The following HHATL variants were observed in gnomAD, a reference collection of about 807,000 sequenced individuals.
The protein encoded by HHATL is hedgehog acyltransferase like, also known as protein-cysteine N-palmitoyltransferase HHAT-like protein.
A neutral mutation model predicts 59.7 loss-of-function variants in HHATL; 49 were observed. That is an observed-to-expected ratio of 0.82 (90% CI 0.65 to 1.04). HHATL has a LOEUF of 1.04. HHATL is among the 50% of genes least tolerant of loss of function. The probability of loss-of-function intolerance (pLI) is 0.00; values close to 1 mark genes in which losing one functional copy is unlikely to be tolerated. For missense variants in HHATL, 605 were observed against 650.8 expected (o/e 0.93, Z 0.77); for synonymous variants, 238 against 257.3 (o/e 0.93, Z 0.72).
At chr3:42,700,596 C>T (rs1295496486) in intron 2 of HHATL, 125 bp downstream of exon 2, 2 of 628,438 alleles carry the variant, frequency 3.2e-6, no homozygotes, top group Non-Finnish European at 5.7e-6. Context: ...AAGGGAGATC[C>T]AGCCGTGTTC....
intron 9 of HHATL, among the ~76,000 whole-genome samples, chr3:42,694,471 G>A (rs73085381): frequency 0.039 from 5,926 of 152,296 alleles, 137 homozygotes; most frequent in Middle Eastern, 0.085. Context: ...ACAGCAGCCA[G>A]AGGCATCTTT....
In HHATL at chr3:42,699,296, A is replaced by T. The variant is rs183775349; in HGVS notation, c.175-151T>A. ...TATCATTTTTAAATTTAATAATAAT[A>T]ATTATTTTTTACCACTAGCCAAACC... On this transcript the variant is annotated intron_variant, in intron 3 of 11. Coordinates refer to ENST00000441594, the MANE Select transcript of HHATL (RefSeq NM_020707.4). 94 of 429,866 alleles carry T rather than the reference A, an allele frequency of 2.2e-4. 1 individual carries two copies. Among genetic ancestry groups the T allele is most frequent in the African/African-American group, 4.1e-4 (20 of 48,858 alleles). The allele number at this position is 429,866 out of a possible 1,614,324, so 26.6% of individuals were successfully genotyped here. A position where few individuals can be genotyped will look rare whatever the true frequency, so the allele number is the denominator to read the frequency against.
Position 42,699,086 on chromosome 3 carries a change from A to C in HHATL, c.234T>G (p.Phe78Leu), listed in dbSNP as rs768134252. ...CAAACAGCACATGTCCGGAGAGGGCAAAGATGATGACGTTGCGAAAGGAGG... is the reference window on the plus strand; with the variant it reads ...CAAACAGCACATGTCCGGAGAGGGCCAAGATGATGACGTTGCGAAAGGAGG... ...WFTSFRNVIIFALSGHVLFAK... is the reference protein window; with the variant it reads ...WFTSFRNVIILALSGHVLFAK... Residue 78 changes from phenylalanine (F) to leucine (L), a missense_variant, in exon 4 of 12, where the codon TTT becomes TTG. Transcript: ENST00000441594. 1.2e-6 allele frequency: 2 copies of C among 1,614,136 alleles called. No individual in the cohort carries two copies. Among genetic ancestry groups the C allele is most frequent in the Admixed American group, 3.3e-5 (2 of 60,010 alleles).
rs183346791 is a variant in HHATL, at chr3:42,701,256, G to A, written c.-13-417C>T. On this transcript the variant is annotated intron_variant, in intron 1 of 11. Coordinates refer to ENST00000441594, the MANE Select transcript of HHATL (RefSeq NM_020707.4). This position sits in a 1 kb window ranked among gnomAD's most constrained non-coding sequence, Gnocchi z 5.1. ...TTTCTGCCTGCAGGGTCCCCACCTC[G>A]ATCAGTGAGTCTCCCTTAGCTCCTC... 756 of 172,916 alleles carry A rather than the reference G, an allele frequency of 4.4e-3. 12 individuals are homozygous for A. Among genetic ancestry groups the A allele is most frequent in the South Asian group, 0.025 (171 of 6,876 alleles). The allele number at this position is 172,916 out of a possible 1,614,324, so 10.7% of individuals were successfully genotyped here.
chr3:42,696,824 C>T lies in HHATL; in HGVS notation c.1046+18G>A. The T allele has an allele frequency of 1.2e-6, 2 of 1,613,550 alleles. No individual in the cohort carries two copies. The highest frequency in any genetic ancestry group is 1.7e-6 in the Non-Finnish European group (2 of 1,179,736). ...CTGGCAGGATGGCTGTGACCACCCC[C>T]ACCCCACTCCTACTCACTTGCAAAG... On this transcript the variant is annotated intron_variant, in intron 9 of 11. Transcript: ENST00000441594.
In HHATL at chr3:42,697,602, G is replaced by A; in HGVS notation, c.771C>T (p.Ala257=). ...IRAQAGLSVV[A]IMAVDIFFHF... is the part of the protein sequence containing the mutation. ...GAAAGAAGATGTCGACGGCCATGAT[G>A]GCCACCACGCTTAGGCCTGCCTGGG... Residue 257 remains alanine (A), a synonymous_variant, in exon 7 of 12, where the codon GCC becomes GCT. Transcript: ENST00000441594. The A allele has an allele frequency of 6.2e-7, 1 of 1,614,150 alleles. No individual in the cohort carries two copies. Among genetic ancestry groups the A allele is most frequent in the South Asian group, 1.1e-5 (1 of 91,078 alleles).
At chr3:42,693,510 G>A in intron 10 of HHATL, 107 bp downstream of exon 10, 2 of 993,994 alleles carry the variant, frequency 2.0e-6, no homozygotes, top group African/African-American at 1.6e-5. Flanking sequence ...GTGGTGGTGA[G>A]AAAGTTCTGG....
Position 42,697,509 on chromosome 3 carries a change from G to A in HHATL, c.864C>T (p.Leu288=), listed in dbSNP as rs200307839. 37 of 1,613,540 alleles carry A rather than the reference G, an allele frequency of 2.3e-5. 1 individual carries two copies. Among genetic ancestry groups the A allele is most frequent in the South Asian group, 7.7e-5 (7 of 91,006 alleles). The stretch of plus-strand genomic sequence containing the variant: ...CCCATTTCTCTTCTGTGGACCCACC[G>A]AGGGCACTGTCTGGGAGGCGGTTGG... The part of the protein sequence containing the change: ...KFANRLPDSA[L]AGLAYSNLVY... Residue 288 remains leucine, a splice_region_variant and synonymous_variant, in exon 7 of 12, where the codon CTC becomes CTT. Coordinates refer to ENST00000441594, the MANE Select transcript of HHATL (RefSeq NM_020707.4).
Position 42,693,144 on chromosome 3 carries a change from C to T in HHATL, c.1323G>A (p.Met441Ile). Residue 441 changes from methionine to isoleucine, a missense_variant, in exon 11 of 12, where the codon ATG becomes ATA. Physicochemically the swap from Met to Ile is conservative, Grantham distance 10 (BLOSUM62 1). Transcript: ENST00000441594. ...FGAMNFWAII[M>I]YNLVSLNSLK... ...GGCTGTTCAGGCTCACAAGGTTGTA[C>T]ATGATGATGGCCCAGAAGTTCATGG... 6.2e-7 allele frequency: 1 copy of T among 1,614,190 alleles called. No individual in the cohort carries two copies. Among genetic ancestry groups the T allele is most frequent in the Non-Finnish European group, 8.5e-7 (1 of 1,180,034 alleles).
At chr3:42,697,959 T>C (rs1575238115) in intron 6 of HHATL, among the ~76,000 whole-genome samples, 183 bp downstream of exon 6, 1 of 152,126 alleles carries the variant, frequency 6.6e-6, no homozygotes, top group East Asian at 1.9e-4. Context: ...CTGGGGTCCC[T>C]GCTGGAGGGG....
chr3:42,693,512 A>C, intron 10 of HHATL, 105 bp downstream of exon 10: 1 of 1,003,076 alleles, frequency 1.0e-6, no homozygotes, highest in Non-Finnish European at 1.5e-6. Context: ...GGTGGTGAGA[A>C]AGTTCTGGAT....
intron 2 of HHATL, among the ~76,000 whole-genome samples, 160 bp downstream of exon 2, chr3:42,700,561 T>C (rs1697914911): frequency 6.6e-6 from 1 of 152,072 alleles, no homozygotes; most frequent in Non-Finnish European, 1.5e-5. Flanking sequence ...CCAGTGACTA[T>C]CTGAGATGGG....
intron 8 of HHATL, 35 bp downstream of exon 8, chr3:42,696,965 AG>A: frequency 1.2e-6 from 2 of 1,613,134 alleles, no homozygotes; most frequent in Middle Eastern, 1.7e-4. Flanking sequence ...GTGTGGTCCC[AG>A]GGGGTGAGCC....
intron 7 of HHATL, 117 bp downstream of exon 7, chr3:42,697,391 C>CCCTCAGGTGCTGTGCCCTGCGTG: frequency 1.6e-6 from 2 of 1,224,370 alleles, no homozygotes; most frequent in South Asian, 2.9e-5. Flanking sequence ...TGCTCCCACG[C>CCCTCAGGTGCTGTGCCCTGCGTG]CCTCAGGTGC....
chr3:42,698,196 G>A lies in HHATL; in HGVS notation c.639C>T (p.Tyr213=). 2 of 1,614,224 alleles carry A rather than the reference G, an allele frequency of 1.2e-6. No individual in the cohort carries two copies. The highest frequency in any genetic ancestry group is 1.7e-6 in the Non-Finnish European group (2 of 1,180,032). ...TGGGCCCGAAGAAGAAGAAGGGCAG[G>A]TAGAAGTTGTACTTGAGCAGGTCAG... is the stretch of plus-strand genomic sequence containing the variant. The part of the protein sequence containing the change: ...SLADLLKYNF[Y]LPFFFFGPIM... Residue 213 remains tyrosine, a synonymous_variant, in exon 6 of 12, where the codon TAC becomes TAT. Transcript: ENST00000441594.
rs374665835 is a variant in HHATL, at chr3:42,700,288, ATG to A, written c.106+431_106+432del. Among the ~76,000 whole-genome samples the A allele has an allele frequency of 8.0e-4, 34 of 42,416 alleles. 1 individual carries two copies. The highest frequency in any genetic ancestry group is 3.2e-3 in the East Asian group (4 of 1,234). The allele number at this position is 42,416 out of a possible 152,430, so 27.8% of individuals were successfully genotyped here. On this transcript the variant is annotated intron_variant, in intron 2 of 11. Coordinates refer to ENST00000441594, the MANE Select transcript of HHATL (RefSeq NM_020707.4). ...TCTGGGTCCAGGTCTCTGTGTGTGT[ATG>A]TGTGTGTGTGTGTGTTGGGGGGTGT...
rs756329889 is a variant in HHATL, at chr3:42,693,105, C to G, written c.1362G>C (p.Glu454Asp). 19 of 1,614,062 alleles carry G rather than the reference C, an allele frequency of 1.2e-5. No homozygotes were observed. Among genetic ancestry groups the G allele is most frequent in the Admixed American group, 3.3e-5 (2 of 60,004 alleles). Residue 454 changes from glutamate (E) to aspartate (D), a missense_variant, in exon 11 of 12, where the codon GAG becomes GAC. By Grantham distance (45) the Glu-to-Asp change is conservative. Transcript: ENST00000441594. ...LVSLNSLKFTELVARRLLLTG... is the reference protein window; with the variant it reads ...LVSLNSLKFTDLVARRLLLTG... ...TGAGTAGCAGGCGCCGGGCAACCAG[C>G]TCTGTGAATTTGAGGCTGTTCAGGC...
At position 42,696,982 on chromosome 3, in the gene HHATL, C is replaced by T. The variant is rs566884744; in HGVS notation, c.1010+19G>A. 1.4e-5 allele frequency: 23 copies of T among 1,611,224 alleles called. No homozygotes were observed. The highest frequency in any genetic ancestry group is 1.7e-4 in the Middle Eastern group (1 of 6,052). ...GTGGTCCCAGGGGGTGAGCCTCCCC[C>T]GTCCTGGCCAGCACTCACGTTTCCG... On this transcript the variant is annotated intron_variant, in intron 8 of 11. Transcript: ENST00000441594.
Position 42,697,689 on chromosome 3 carries a change from T to G in HHATL, c.694-10A>C. 3 of 1,611,468 alleles carry G rather than the reference T, an allele frequency of 1.9e-6. No individual in the cohort carries two copies. Among genetic ancestry groups the G allele is most frequent in the Non-Finnish European group, 2.5e-6 (3 of 1,178,150 alleles). On this transcript the variant is annotated splice_polypyrimidine_tract_variant and intron_variant, in intron 6 of 11. Transcript: ENST00000441594. ...GCTCCACCTGGCTCACCTGGGGGGA[T>G]GCGAAGGGTCTGAGGGAAGAGGCAA...
Sources: allele counts gnomAD v4.1 joint callset (sites outside exome capture counted in the v4.1 genomes callset), GRCh38; gene constraint gnomAD v4.1.1; non-coding constraint Gnocchi (gnomAD v3.1); transcripts MANE v1.5; gene names NCBI Gene and HGNC (gene_info 2026-07-23, HGNC 2026-07-21).